The following HS6ST3 variants were observed in gnomAD, a reference collection of about 807,000 sequenced individuals.
HS6ST3 encodes the protein heparan-sulfate 6-O-sulfotransferase 3.
HS6ST3 carries 12 observed loss-of-function variants against 36.7 expected under a neutral mutation model. The observed-to-expected ratio is 0.33, with a 90% CI of 0.21 to 0.53. HS6ST3 has a LOEUF of 0.53. Ranked by LOEUF, HS6ST3 falls within the 20% of genes least tolerant of loss-of-function variation. HS6ST3 has a pLI of 0.95. For missense variants in HS6ST3, 584 were observed against 640.9 expected, an observed-to-expected ratio of 0.91 and a Z score of 0.96; for synonymous variants, 240 against 257.5, an observed-to-expected ratio of 0.93 and a Z score of 0.65.
At chr13:96,200,995 A>G (rs1480703667) in intron 1 of HS6ST3, among the ~76,000 whole-genome samples, 1 of 152,160 alleles carries the variant, frequency 6.6e-6, no homozygotes, top group Non-Finnish European at 1.5e-5. Flanking sequence ...TGGCCATGGT[A>G]TTCTGCCTGG....
intron 1 of HS6ST3, among the ~76,000 whole-genome samples, chr13:96,397,041 TAAAAATAC>T (rs1165192135): frequency 2.6e-5 from 4 of 151,952 alleles, no homozygotes; most frequent in African/African-American, 9.7e-5. Flanking sequence ...CTGTCTCTAC[TAAAAATAC>T]AAAAATTAGC....
intron 1 of HS6ST3, among the ~76,000 whole-genome samples, chr13:96,640,120 T>C (rs1200942219): frequency 6.6e-6 from 1 of 151,948 alleles, no homozygotes; most frequent in Admixed American, 6.6e-5. Flanking sequence ...GTAGTTGTGT[T>C]TTAAGTTCTT....
intron 1 of HS6ST3, among the ~76,000 whole-genome samples, chr13:96,633,647 C>T (rs772047208): frequency 6.6e-6 from 1 of 152,092 alleles, no homozygotes; most frequent in Non-Finnish European, 1.5e-5. Context: ...TGTTGGCCAC[C>T]TGTTACCCCA....
At chr13:96,431,394 G>A (rs568405377) in intron 1 of HS6ST3, among the ~76,000 whole-genome samples, 1 of 152,190 alleles carries the variant, frequency 6.6e-6, no homozygotes, top group South Asian at 2.1e-4. Flanking sequence ...ATTGACAGTG[G>A]GAATGTCCAA....
chr13:96,370,516 A>G (rs1368375887), intron 1 of HS6ST3, among the ~76,000 whole-genome samples: 2 of 152,244 alleles, frequency 1.3e-5, no homozygotes, highest in Non-Finnish European at 2.9e-5. Flanking sequence ...TGTTACCGTC[A>G]CTATTGAACT....
intron 1 of HS6ST3, among the ~76,000 whole-genome samples, chr13:96,139,145 C>T (rs558468837): frequency 2.6e-5 from 4 of 151,932 alleles, no homozygotes; most frequent in East Asian, 1.9e-4. Context: ...ATTCTCTAAG[C>T]GAAAGGAAAA....
intron 1 of HS6ST3, among the ~76,000 whole-genome samples, chr13:96,477,825 G>T (rs1336183279): frequency 6.6e-6 from 1 of 151,966 alleles, no homozygotes; most frequent in East Asian, 1.9e-4. Flanking sequence ...AGCCGAGATC[G>T]CACCATTGCT....
chr13:96,354,664 A>G (rs1486050561), intron 1 of HS6ST3, among the ~76,000 whole-genome samples: 2 of 152,186 alleles, frequency 1.3e-5, no homozygotes, highest in Admixed American at 1.3e-4. Context: ...TACCATTACA[A>G]CAATGTAAAT....
chr13:96,462,304 C>A (rs1220867251), intron 1 of HS6ST3, among the ~76,000 whole-genome samples: 1 of 152,148 alleles, frequency 6.6e-6, no homozygotes, highest in East Asian at 1.9e-4. Context: ...CTCCTGGCCT[C>A]AAGTGATCCT....
rs140994381 is a variant in HS6ST3, at chr13:96,807,336, C to G, written c.708-25154C>G. Among the ~76,000 whole-genome samples the G allele has an allele frequency of 2.0e-4, 30 of 152,258 alleles. No individual in the cohort carries two copies. In the South Asian group the frequency reaches 2.9e-3, roughly 15 times the overall value. On this transcript the variant is annotated intron_variant, in intron 1 of 1. Transcript: ENST00000376705. Reference sequence around the variant, plus strand: ...CTTGAATTTCTAACCTCCAGTACCTCAAAATGTGGTCTTATTTGGAAATAC... The same window carrying G: ...CTTGAATTTCTAACCTCCAGTACCTGAAAATGTGGTCTTATTTGGAAATAC...
At position 96,446,630 on chromosome 13, in the gene HS6ST3, T is replaced by C. The variant is rs150870428; in HGVS notation, c.707+355061T>C. Among the ~76,000 whole-genome samples, 37 of 152,324 alleles carry C rather than the reference T, an allele frequency of 2.4e-4. 1 individual carries two copies. In the East Asian group the frequency reaches 5.0e-3, roughly 21 times the overall value. On this transcript the variant is annotated intron_variant, in intron 1 of 1. Coordinates refer to ENST00000376705, the MANE Select transcript of HS6ST3 (RefSeq NM_153456.4). ...GCGGTTTCTTTTTTTACTGAGTTCTTATGCAACTTTGGCAGTGGAAAAGAA... is the reference window on the plus strand; with the variant it reads ...GCGGTTTCTTTTTTTACTGAGTTCTCATGCAACTTTGGCAGTGGAAAAGAA...
At chr13:96,330,587 C>G (rs2055060549) in intron 1 of HS6ST3, among the ~76,000 whole-genome samples, 1 of 151,638 alleles carries the variant, frequency 6.6e-6, no homozygotes, top group Non-Finnish European at 1.5e-5. Flanking sequence ...TGAGGGTAAC[C>G]CGACCTTTCT....
intron 1 of HS6ST3, among the ~76,000 whole-genome samples, chr13:96,565,066 G>A (rs912222526): frequency 1.3e-5 from 2 of 151,726 alleles, no homozygotes; most frequent in African/African-American, 4.8e-5. Flanking sequence ...TGGAGAGCTC[G>A]GGACTTCTGC....
chr13:96,279,688 T>G (rs567178698), intron 1 of HS6ST3, among the ~76,000 whole-genome samples: 9 of 152,316 alleles, frequency 5.9e-5, no homozygotes, highest in African/African-American at 2.2e-4. Context: ...TTTCCCTTTC[T>G]TCTTTCTTAC....
At chr13:96,405,026 A>G (rs1027666108) in intron 1 of HS6ST3, among the ~76,000 whole-genome samples, 5 of 152,126 alleles carry the variant, frequency 3.3e-5, no homozygotes, top group Admixed American at 6.5e-5. Flanking sequence ...TTAAGATGTG[A>G]CTTTTTCCTC....
chr13:96,669,011 AT>A (rs2056674521), intron 1 of HS6ST3, among the ~76,000 whole-genome samples: 1 of 152,066 alleles, frequency 6.6e-6, no homozygotes, highest in Non-Finnish European at 1.5e-5. Context: ...GAAAGTACAC[AT>A]TTGCATTGGT....
intron 1 of HS6ST3, among the ~76,000 whole-genome samples, chr13:96,227,999 G>A (rs9525159): frequency 0.27 from 40,934 of 152,010 alleles, 6,774 homozygotes; most frequent in Admixed American, 0.36. Flanking sequence ...TATGTTGAGG[G>A]CATATTTTAA....
At chr13:96,501,209 G>T (rs962029712) in intron 1 of HS6ST3, among the ~76,000 whole-genome samples, 8 of 152,164 alleles carry the variant, frequency 5.3e-5, no homozygotes, top group African/African-American at 1.9e-4. Context: ...TGCCTATGCT[G>T]CTGTTTGGAA....
chr13:96,425,461 C>T (rs1446109686), intron 1 of HS6ST3, among the ~76,000 whole-genome samples: 1 of 152,112 alleles, frequency 6.6e-6, no homozygotes, highest in East Asian at 1.9e-4. Flanking sequence ...GGCTTCATTA[C>T]TAAAAATTTT....
Sources: allele counts gnomAD v4.1 joint callset (sites outside exome capture counted in the v4.1 genomes callset), GRCh38; gene constraint gnomAD v4.1.1; transcripts MANE v1.5; gene names NCBI Gene and HGNC (gene_info 2026-07-23, HGNC 2026-07-21).